CDH18: variants seen among roughly 807,000 people sequenced by gnomAD.
CDH18 encodes the protein cadherin 18, also known as cadherin-18.
CDH18 carries 31 observed loss-of-function variants against 67.9 expected under a neutral mutation model. That is an observed-to-expected ratio of 0.46 (90% CI 0.34 to 0.62). The LOEUF is 0.62. CDH18 is among the 20% of genes least tolerant of loss of function. The pLI is 0.01. For synonymous variants in CDH18, 362 were observed against 347.2 expected, an observed-to-expected ratio of 1.04 and a Z score of -0.48; for missense variants, 890 against 975.5, an observed-to-expected ratio of 0.91 and a Z score of 1.17.
chr5:20,553,122 T>C (rs1757728810), intron 1 of CDH18, among the ~76,000 whole-genome samples: 1 of 152,148 alleles, frequency 6.6e-6, no homozygotes, highest in Admixed American at 6.5e-5. Context: ...ATTGTTAATA[T>C]ATTTTTATTT....
chr5:20,355,355 A>C (rs1741527985), intron 1 of CDH18, among the ~76,000 whole-genome samples: 1 of 152,216 alleles, frequency 6.6e-6, no homozygotes, highest in Non-Finnish European at 1.5e-5. Flanking sequence ...TCCAAACTTG[A>C]CATGTCTTCT....
intron 3 of CDH18, among the ~76,000 whole-genome samples, chr5:19,833,392 G>A (rs1307759358): frequency 6.6e-6 from 1 of 152,092 alleles, no homozygotes; most frequent in African/African-American, 2.4e-5. Context: ...GTTTGCTGAA[G>A]TTGCTTACCA....
intron 1 of CDH18, among the ~76,000 whole-genome samples, chr5:20,260,903 G>T (rs868105974): frequency 6.6e-6 from 1 of 152,134 alleles, no homozygotes; most frequent in African/African-American, 2.4e-5. Context: ...AAATAAGCTT[G>T]GAGAAGACCT....
chr5:19,559,808 A>G (rs1189116390), intron 8 of CDH18, among the ~76,000 whole-genome samples: 1 of 152,002 alleles, frequency 6.6e-6, no homozygotes, highest in Admixed American at 6.6e-5. Flanking sequence ...GAATTAAGAA[A>G]AGTTTCAGGA....
chr5:20,121,285 T>A (rs1203979530), intron 2 of CDH18, among the ~76,000 whole-genome samples: 1 of 152,180 alleles, frequency 6.6e-6, no homozygotes, highest in Non-Finnish European at 1.5e-5. Flanking sequence ...TTGAAATCCT[T>A]CTAAAGAATT....
intron 1 of CDH18, among the ~76,000 whole-genome samples, chr5:20,273,322 G>T (rs531217612): frequency 1.1e-3 from 165 of 151,996 alleles, no homozygotes; most frequent in African/African-American, 3.7e-3. Context: ...ATTATATTAT[G>T]AAGTTGTTTT....
chr5:20,533,999 A>G (rs1756567820), intron 1 of CDH18, among the ~76,000 whole-genome samples: 1 of 152,046 alleles, frequency 6.6e-6, no homozygotes, highest in Admixed American at 6.6e-5. Flanking sequence ...TTTAAATGTT[A>G]TTATACATAT....
intron 1 of CDH18, among the ~76,000 whole-genome samples, chr5:20,561,669 TG>T (rs1758226234): frequency 6.6e-6 from 1 of 151,970 alleles, no homozygotes; most frequent in Non-Finnish European, 1.5e-5. Context: ...TCTATAATAG[TG>T]AATACATGTC....
intron 1 of CDH18, among the ~76,000 whole-genome samples, chr5:20,485,604 T>A (rs1407594498): frequency 6.6e-6 from 1 of 152,090 alleles, no homozygotes; most frequent in East Asian, 1.9e-4. Context: ...GCCTTTTAAT[T>A]TTTTCATATA....
At chr5:19,525,578 C>T (rs2126939919) in intron 9 of CDH18, among the ~76,000 whole-genome samples, 1 of 152,264 alleles carries the variant, frequency 6.6e-6, no homozygotes, top group Non-Finnish European at 1.5e-5. Context: ...GGTGCAAATT[C>T]AATAACTGCT....
At chr5:20,096,575 G>C (rs1459471564) in intron 2 of CDH18, among the ~76,000 whole-genome samples, 1 of 152,016 alleles carries the variant, frequency 6.6e-6, no homozygotes, top group African/African-American at 2.4e-5. Context: ...GAATTAAAAG[G>C]CATGACAGGC....
intron 2 of CDH18, among the ~76,000 whole-genome samples, chr5:20,228,025 T>C (rs1289894920): frequency 2.0e-5 from 3 of 152,154 alleles, no homozygotes; most frequent in African/African-American, 7.2e-5. Flanking sequence ...TTAAATCCAA[T>C]GTTCATCATC....
intron 1 of CDH18, among the ~76,000 whole-genome samples, chr5:20,406,483 G>A (rs1017765087): frequency 7.2e-5 from 11 of 151,872 alleles, no homozygotes; most frequent in Non-Finnish European, 1.6e-4. Flanking sequence ...TGTAAATGAC[G>A]AGTTAATGGG....
chr5:20,268,978 A>G (rs1242665039), intron 1 of CDH18, among the ~76,000 whole-genome samples: 1 of 152,182 alleles, frequency 6.6e-6, no homozygotes, highest in Admixed American at 6.5e-5. Flanking sequence ...CTATTTCTTC[A>G]ACAGGGGATT....
intron 1 of CDH18, among the ~76,000 whole-genome samples, chr5:20,560,444 C>G (rs1035645134): frequency 6.7e-6 from 1 of 149,186 alleles, no homozygotes; most frequent in African/African-American, 2.5e-5. Flanking sequence ...TGACTTTAAC[C>G]ACTGCCCTGG....
At chr5:19,833,567 A>C (rs949609405) in intron 3 of CDH18, among the ~76,000 whole-genome samples, 1 of 152,114 alleles carries the variant, frequency 6.6e-6, no homozygotes, top group African/African-American at 2.4e-5. Context: ...TTTGAATAGG[A>C]GTGGTGAGAG....
At chr5:20,072,509 G>C (rs1743566898) in intron 2 of CDH18, among the ~76,000 whole-genome samples, 1 of 151,962 alleles carries the variant, frequency 6.6e-6, no homozygotes, top group South Asian at 2.1e-4. Flanking sequence ...CAAGAACACA[G>C]AGGTCTGAGA....
intron 5 of CDH18, among the ~76,000 whole-genome samples, chr5:19,703,593 C>A (rs1763555075): frequency 6.6e-6 from 1 of 151,988 alleles, no homozygotes; most frequent in African/African-American, 2.4e-5. Flanking sequence ...AAAGTAGTTG[C>A]CCCAGTGACT....
At chr5:19,837,314 G>A (rs1213908111) in intron 3 of CDH18, among the ~76,000 whole-genome samples, 5 of 151,956 alleles carry the variant, frequency 3.3e-5, no homozygotes, top group Admixed American at 1.3e-4. Flanking sequence ...TGTAGATGAC[G>A]GGTTGATGGG....
Sources: allele counts gnomAD v4.1 joint callset (sites outside exome capture counted in the v4.1 genomes callset), GRCh38; gene constraint gnomAD v4.1.1; transcripts MANE v1.5; gene names NCBI Gene and HGNC (gene_info 2026-07-23, HGNC 2026-07-21).